SHANK2: variants seen among roughly 807,000 people sequenced by gnomAD.
SHANK2 encodes the protein SH3 and multiple ankyrin repeat domains protein 2.
A neutral mutation model predicts 133.7 loss-of-function variants in SHANK2; 43 were observed. The observed-to-expected ratio is 0.32, with a 90% CI of 0.25 to 0.41. The LOEUF is 0.41. Among genes scored for constraint, SHANK2 ranks in the 10% least tolerant of loss-of-function variants. The pLI is 1.00. For synonymous variants in SHANK2, 1,017 were observed against 952.8 expected (o/e 1.07, Z -1.24); for missense variants, 1,994 against 2,235.8 (o/e 0.89, Z 2.18).
At chr11:70,611,524 C>G (rs532159357) in intron 17 of SHANK2, among the ~76,000 whole-genome samples, 1 of 152,378 alleles carries the variant, frequency 6.6e-6, no homozygotes, top group Admixed American at 6.5e-5. Context: ...CAGGGACTGC[C>G]TCACCTCTGG....
chr11:71,102,334 C>T (rs1951728474), intron 6 of SHANK2, among the ~76,000 whole-genome samples: 1 of 152,076 alleles, frequency 6.6e-6, no homozygotes, highest in Non-Finnish European at 1.5e-5. Flanking sequence ...AGATGGTCGC[C>T]TGCAATCACA....
intron 8 of SHANK2, among the ~76,000 whole-genome samples, chr11:71,092,220 G>A (rs1424309234): frequency 6.6e-6 from 1 of 152,216 alleles, no homozygotes; most frequent in Non-Finnish European, 1.5e-5. Context: ...CTATTTCTAT[G>A]CAAATGTGTC....
rs1279904682 is a variant in SHANK2 at position 70,924,995 on chromosome 11, A to ACCCACTTG, written c.1108-28436_1108-28429dup. On this transcript the variant is annotated intron_variant, in intron 10 of 25. Coordinates refer to ENST00000601538, the MANE Select transcript of SHANK2 (RefSeq NM_012309.5). ...GGGCTCACAGGGGGGCAGATTGAGC[A>ACCCACTTG]CCCACTTGCCCAGCAGAGATGCGCA... 2.2e-4 allele frequency among the ~76,000 whole-genome samples: 34 copies of ACCCACTTG among 152,084 alleles called. 1 individual carries two copies. The highest frequency in any genetic ancestry group is 1.8e-3 in the Admixed American group (27 of 15,266).
chr11:70,715,162 A>G (rs770877607), intron 14 of SHANK2, among the ~76,000 whole-genome samples: 2 of 152,180 alleles, frequency 1.3e-5, no homozygotes, highest in African/African-American at 2.4e-5. Context: ...CCTGTAGATA[A>G]TATTTTTTAC....
In SHANK2 at chr11:71,083,749, G is replaced by A. The variant is rs1297603810; in HGVS notation, c.913-8474C>T. ...CACACCCCCTGTGGCCAGGGCCAGC[G>A]TGCTGTGAAGTTGCACGGTGGATGT... On this transcript the variant is annotated intron_variant, in intron 8 of 25. Coordinates refer to ENST00000601538, the MANE Select transcript of SHANK2 (RefSeq NM_012309.5). Among the ~76,000 whole-genome samples, 89 of 152,322 alleles carry A rather than the reference G, an allele frequency of 5.8e-4. 2 individuals carry two copies. Among genetic ancestry groups the A allele is most frequent in the Admixed American group, 5.2e-3 (80 of 15,296 alleles).
chr11:70,808,536 G>A (rs2135278710), intron 12 of SHANK2, among the ~76,000 whole-genome samples: 1 of 116,152 alleles, frequency 8.6e-6, no homozygotes, highest in Non-Finnish European at 1.7e-5. Context: ...ACTAGCCTGG[G>A]CAACATGATG....
chr11:70,641,320 C>G (rs556139192), intron 17 of SHANK2, among the ~76,000 whole-genome samples: 1 of 152,100 alleles, frequency 6.6e-6, no homozygotes, highest in East Asian at 1.9e-4. Context: ...GTCTCGATCT[C>G]CTGACCTTGT....
intron 6 of SHANK2, among the ~76,000 whole-genome samples, chr11:71,098,273 GTGTGTGCATGCC>G (rs1470035999): frequency 4.0e-5 from 6 of 151,348 alleles, no homozygotes; most frequent in Non-Finnish European, 8.8e-5. Flanking sequence ...ACATGCTTGT[GTGTGTGCATGCC>G]TGTGTGCATG....
chr11:70,740,866 A>G (rs495180), intron 14 of SHANK2, among the ~76,000 whole-genome samples: 88,741 of 152,084 alleles, frequency 0.58, 27,252 homozygotes, highest in African/African-American at 0.79. Flanking sequence ...AAAGGGCAGA[A>G]TCCCTCACTG....
intron 17 of SHANK2, among the ~76,000 whole-genome samples, chr11:70,524,282 G>C (rs2059368465): frequency 6.6e-6 from 1 of 152,222 alleles, no homozygotes; most frequent in South Asian, 2.1e-4. Context: ...AAAGCACCAG[G>C]GGCAGCTGTG....
chr11:70,568,530 G>A (rs781852968), intron 17 of SHANK2, among the ~76,000 whole-genome samples: 9 of 152,100 alleles, frequency 5.9e-5, no homozygotes, highest in Non-Finnish European at 8.8e-5. Flanking sequence ...TCTTGGTGGA[G>A]CCTCCAGCTG....
chr11:71,251,668 G>A lies in SHANK2; in HGVS notation c.-113+757C>T, dbSNP rs1948183354. 2.6e-5 allele frequency among the ~76,000 whole-genome samples: 4 copies of A among 151,248 alleles called. No individual in the cohort carries two copies. In the South Asian group the frequency reaches 8.3e-4, roughly 31 times the overall value. On this transcript the variant is annotated intron_variant, in intron 1 of 25. Transcript: ENST00000601538. ...TCACGGACGGTGGCGGCCGGGCTGC[G>A]CCCGCCGGGTCTCCCTATCCCAGCT...
chr11:70,633,205 A>G (rs114189815), intron 17 of SHANK2, among the ~76,000 whole-genome samples: 2,828 of 148,316 alleles, frequency 0.019, 91 homozygotes, highest in African/African-American at 0.066. Context: ...TTATATTTTT[A>G]TATATGTATT....
intron 2 of SHANK2, among the ~76,000 whole-genome samples, chr11:71,209,781 G>A (rs936706840): frequency 1.4e-4 from 21 of 152,136 alleles, no homozygotes; most frequent in African/African-American, 4.8e-4. Flanking sequence ...CCCATCAACA[G>A]AGCACCTGCC....
Position 70,882,895 on chromosome 11 carries a change from C to G in SHANK2, c.1174+13606G>C, listed in dbSNP as rs373768320. On this transcript the variant is annotated intron_variant, in intron 11 of 25. Transcript: ENST00000601538. This position sits in a 1 kb window ranked among gnomAD's most constrained non-coding sequence, Gnocchi z 4.2. ...TCCTGAGGAAACAGCTGCAGGTGAA[C>G]AGCAAACTGCAGGGCAGGCAGGAGG... Among the ~76,000 whole-genome samples the G allele has an allele frequency of 3.9e-5, 6 of 152,248 alleles. No homozygotes were observed. The highest frequency in any genetic ancestry group is 1.4e-4 in the African/African-American group (6 of 41,550).
At chr11:71,115,211 G>A (rs1951956259) in intron 4 of SHANK2, among the ~76,000 whole-genome samples, 1 of 152,206 alleles carries the variant, frequency 6.6e-6, no homozygotes. Context: ...GCTCACGCCT[G>A]TAATCCCAGC....
chr11:71,068,047 A>G (rs1951090887), intron 9 of SHANK2, among the ~76,000 whole-genome samples: 1 of 150,400 alleles, frequency 6.6e-6, no homozygotes, highest in Non-Finnish European at 1.5e-5. Flanking sequence ...TCGCCATCAC[A>G]ACCATCATCA....
intron 1 of SHANK2, among the ~76,000 whole-genome samples, chr11:71,241,885 C>T (rs898626917): frequency 8.5e-5 from 13 of 152,164 alleles, no homozygotes; most frequent in East Asian, 3.9e-4. Flanking sequence ...TGGGGCTGGA[C>T]GCTGCTTTTG....
intron 10 of SHANK2, among the ~76,000 whole-genome samples, chr11:70,906,237 G>A (rs1160792079): frequency 6.6e-6 from 1 of 152,230 alleles, no homozygotes; most frequent in Non-Finnish European, 1.5e-5. Flanking sequence ...TCAGGGCTGG[G>A]ACATGGGCAG....
Sources: gnomAD v4.1 joint callset for allele counts (sites outside exome capture counted in the v4.1 genomes callset) on GRCh38, gnomAD v4.1.1 for gene constraint, Gnocchi (gnomAD v3.1) non-coding constraint, MANE v1.5 for transcripts, NCBI Gene and HGNC (gene_info 2026-07-23, HGNC 2026-07-21) for gene names.